The following RAP1GAP variants were observed in gnomAD, a reference collection of about 807,000 sequenced individuals.
RAP1GAP encodes rap1 GTPase-activating protein 1.
A neutral mutation model predicts 87.2 loss-of-function variants in RAP1GAP; 35 were observed. The ratio of observed to expected loss-of-function variants is 0.40; its 90% CI spans 0.31 to 0.53. The LOEUF is 0.53. Ranked by LOEUF, RAP1GAP falls within the 20% of genes least tolerant of loss-of-function variation. The pLI is 0.48. For missense variants in RAP1GAP, 734 were observed against 898.9 expected (o/e 0.82, Z 2.35); for synonymous variants, 375 against 363.9 (o/e 1.03, Z -0.35).
At chr1:21,647,268 C>A (rs2096144687) in intron 2 of RAP1GAP, among the ~76,000 whole-genome samples, 1 of 152,134 alleles carries the variant, frequency 6.6e-6, no homozygotes, top group Admixed American at 6.5e-5. Context: ...CGAGACCTGA[C>A]TGGCCAACAT....
intron 1 of RAP1GAP, among the ~76,000 whole-genome samples, chr1:21,660,089 G>A (rs755391963): frequency 7.3e-5 from 11 of 151,584 alleles, no homozygotes; most frequent in East Asian, 2.0e-4. Context: ...GATAGGATGC[G>A]GGCATGGAGC....
At chr1:21,643,256 G>GC (rs1446036639) in intron 2 of RAP1GAP, among the ~76,000 whole-genome samples, 1 of 152,160 alleles carries the variant, frequency 6.6e-6, no homozygotes, top group Non-Finnish European at 1.5e-5. Flanking sequence ...CAGGATCTGG[G>GC]CTATCAGAAA....
chr1:21,650,602 C>G (rs907937577), intron 1 of RAP1GAP, among the ~76,000 whole-genome samples: 5 of 152,124 alleles, frequency 3.3e-5, no homozygotes, highest in African/African-American at 1.2e-4. Flanking sequence ...AGAGGACGTC[C>G]TCCGCAGGGC....
At chr1:21,602,655 CG>C (rs1385533146) in intron 19 of RAP1GAP, 148 bp downstream of exon 19, 2 of 658,008 alleles carry the variant, frequency 3.0e-6, no homozygotes, top group Non-Finnish European at 5.0e-6. Context: ...GTGCCCGACA[CG>C]CAGCAGGGAC....
chr1:21,634,828 A>C lies in RAP1GAP; in HGVS notation c.-112-8431T>G. On this transcript the variant is annotated intron_variant, in intron 2 of 24. Coordinates refer to ENST00000374765, the MANE Select transcript of RAP1GAP (RefSeq NM_002885.4). The surrounding 1 kb of genome is among the most constrained non-coding windows in gnomAD (Gnocchi z 4.1). ...TGAGCCCCACTGTGGCCAAAACCTG[A>C]CCCTTCCCACCCCACCGAGGACTTC... is the stretch of plus-strand genomic sequence containing the variant. 1 of 387,412 alleles carries C rather than the reference A, an allele frequency of 2.6e-6. No homozygotes were observed. 24.0% of individuals were successfully genotyped at this position (387,412 alleles called of 1,614,324 possible).
intron 1 of RAP1GAP, chr1:21,653,451 G>A (rs2096709947): frequency 6.6e-6 from 1 of 152,482 alleles, no homozygotes; most frequent in Non-Finnish European, 1.5e-5. Context: ...GCTCTGGGCA[G>A]TGCTGTAGAG....
chr1:21,606,051 G>C lies in RAP1GAP; in HGVS notation c.1428+15C>G, dbSNP rs769146622. 2.5e-6 allele frequency: 4 copies of C among 1,570,838 alleles called. No individual in the cohort carries two copies. The highest frequency in any genetic ancestry group is 1.3e-5 in the African/African-American group (1 of 74,372). ...CAGGGAGGGGCCGGGGCCTGGGGAGGGGGAGGGCACTCACTATTCCAGCCG... is the reference window on the plus strand; with the variant it reads ...CAGGGAGGGGCCGGGGCCTGGGGAGCGGGAGGGCACTCACTATTCCAGCCG... On this transcript the variant is annotated intron_variant, in intron 18 of 24. Coordinates refer to ENST00000374765, the MANE Select transcript of RAP1GAP (RefSeq NM_002885.4).
chr1:21,618,385 ACCCTGTAG>A (rs1036271633), intron 5 of RAP1GAP, among the ~76,000 whole-genome samples: 1 of 151,790 alleles, frequency 6.6e-6, no homozygotes, highest in African/African-American at 2.4e-5. Flanking sequence ...TCTAACCCTC[ACCCTGTAG>A]CCCTGGGCCC....
At position 21,622,662 on chromosome 1, in the gene RAP1GAP, C is replaced by G. The variant is rs902372787; in HGVS notation, c.-18-2612G>C. The G allele has an allele frequency of 8.7e-5, 13 of 149,248 alleles. No homozygotes were observed. Among genetic ancestry groups the G allele is most frequent in the African/African-American group, 3.2e-4 (13 of 41,196 alleles). 9.2% of individuals were successfully genotyped at this position (149,248 alleles called of 1,614,324 possible). ...CTGAAGCCACGCCCCCCGGGCGGCCCGGCCCGCGGCCCCGGGACACCGCGC... is the reference window on the plus strand; with the variant it reads ...CTGAAGCCACGCCCCCCGGGCGGCCGGGCCCGCGGCCCCGGGACACCGCGC... On this transcript the variant is annotated intron_variant, in intron 3 of 24. Transcript: ENST00000374765. The surrounding 1 kb of genome is among the most constrained non-coding windows in gnomAD (Gnocchi z 5.7).
At chr1:21,641,185 T>C (rs1422889134) in intron 2 of RAP1GAP, among the ~76,000 whole-genome samples, 1 of 149,998 alleles carries the variant, frequency 6.7e-6, no homozygotes, top group African/African-American at 2.5e-5. Context: ...CTCCCCAGAG[T>C]GCTAGGATTA....
At position 21,669,081 on chromosome 1, in the gene RAP1GAP, C is replaced by T. The variant is rs7521054; in HGVS notation, c.-149+173G>A. ...CAGCTGCTGTCAAGACCGGGCTGCG[C>T]GAGCCCAGCTGCGCCCACCCCTCGC... On this transcript the variant is annotated intron_variant, in intron 1 of 24. Transcript: ENST00000374765. The surrounding 1 kb of genome is among the most constrained non-coding windows in gnomAD (Gnocchi z 5.6). 0.06 allele frequency among the ~76,000 whole-genome samples: 9,041 copies of T among 151,888 alleles called. 418 individuals carry two copies. The highest frequency in any genetic ancestry group is 0.25 in the East Asian group (1,253 of 5,048).
In RAP1GAP at chr1:21,651,395, T is replaced by C. The variant is rs763431515; in HGVS notation, c.-148-1599A>G. On this transcript the variant is annotated intron_variant, in intron 1 of 24. Coordinates refer to ENST00000374765, the MANE Select transcript of RAP1GAP (RefSeq NM_002885.4). ...GCCTGCCCCTACTCCCACATACCTA[T>C]ACATGTGAGCAGTTGCGCACACACG... is the stretch of plus-strand genomic sequence containing the variant. 3 of 535,976 alleles carry C rather than the reference T, an allele frequency of 5.6e-6. No homozygotes were observed. In the East Asian group the frequency reaches 1.6e-4, roughly 28 times the overall value. 33.2% of individuals were successfully genotyped at this position (535,976 alleles called of 1,614,324 possible). A position where few individuals can be genotyped will look rare whatever the true frequency, so the allele number is the denominator to read the frequency against.
At chr1:21,648,322 C>T (rs957487934) in intron 2 of RAP1GAP, among the ~76,000 whole-genome samples, 1 of 152,200 alleles carries the variant, frequency 6.6e-6, no homozygotes, top group Non-Finnish European at 1.5e-5. Flanking sequence ...TGGCCCCTGT[C>T]TCTGAGTCTT....
intron 1 of RAP1GAP, among the ~76,000 whole-genome samples, chr1:21,660,352 T>TATATATATATATATATATATATATATA (rs1248298305): frequency 2.8e-4 from 24 of 85,952 alleles, no homozygotes; most frequent in East Asian, 1.2e-3. Flanking sequence ...TATATATTTA[T>TATATATATATATATATATATATATATA]TGAGACAGTC....
At chr1:21,642,875 T>TCC (rs71306228) in intron 2 of RAP1GAP, among the ~76,000 whole-genome samples, 1 of 134,226 alleles carries the variant, frequency 7.5e-6, no homozygotes, top group African/African-American at 2.9e-5. Flanking sequence ...CCTTCCCCAC[T>TCC]ACACACACAC....
chr1:21,656,083 G>A (rs925363466), intron 1 of RAP1GAP, among the ~76,000 whole-genome samples: 4 of 152,170 alleles, frequency 2.6e-5, no homozygotes, highest in East Asian at 1.9e-4. Context: ...AGTTTTCCTC[G>A]CTGGGCCTCA....
chr1:21,651,332 G>A (rs2096542359), intron 1 of RAP1GAP: 2 of 450,470 alleles, frequency 4.4e-6, no homozygotes, highest in Non-Finnish European at 9.0e-6. Context: ...CAGCTGCAGA[G>A]GCAAAGTGGG....
At chr1:21,651,634 C>T (rs1030175356) in intron 1 of RAP1GAP, 2 of 813,680 alleles carry the variant, frequency 2.5e-6, no homozygotes, top group Admixed American at 1.8e-5. Flanking sequence ...GCCATGCGCG[C>T]ACTGAGGTCA....
chr1:21,599,631 T>TG lies in RAP1GAP; in HGVS notation c.1653-15dup. On this transcript the variant is annotated splice_polypyrimidine_tract_variant and intron_variant, in intron 20 of 24. Transcript: ENST00000374765. ...GCGGTCTCCGCTCTGCCACAGACAG[T>TG]GCCCCATTAGCCGGTGTCCACCCCG... is the stretch of plus-strand genomic sequence containing the variant. 6.3e-7 allele frequency: 1 copy of TG among 1,598,726 alleles called. No individual in the cohort carries two copies. The highest frequency in any genetic ancestry group is 8.5e-7 in the Non-Finnish European group (1 of 1,176,632).
Sources: gnomAD v4.1 joint callset for allele counts (sites outside exome capture counted in the v4.1 genomes callset) on GRCh38, gnomAD v4.1.1 for gene constraint, Gnocchi (gnomAD v3.1) non-coding constraint, MANE v1.5 for transcripts, NCBI Gene and HGNC (gene_info 2026-07-23, HGNC 2026-07-21) for gene names.